The following SH3D19 variants were observed in gnomAD, a reference collection of about 807,000 sequenced individuals.
SH3D19 encodes the protein SH3 domain containing 19.
A neutral mutation model predicts 112.1 loss-of-function variants in SH3D19; 58 were observed. The ratio of observed to expected loss-of-function variants is 0.52; its 90% confidence interval spans 0.42 to 0.64. The LOEUF (loss-of-function observed/expected upper bound fraction) is 0.64, where lower values mean the gene tolerates loss of function less well. SH3D19 is among the 30% of genes least tolerant of loss of function. The probability of loss-of-function intolerance (pLI) is 0.00; values close to 1 mark genes in which losing one functional copy is unlikely to be tolerated. For missense variants in SH3D19, 1,090 were observed against 1,263.4 expected (o/e 0.86, Z 2.08); for synonymous variants, 391 against 448.5 (o/e 0.87, Z 1.62).
chr4:151,128,146 A>G (rs1367892192), intron 18 of SH3D19, 24 bp downstream of exon 18: 2 of 1,568,110 alleles, frequency 1.3e-6, no homozygotes, highest in Non-Finnish European at 1.7e-6. Flanking sequence ...GAGGAGTCGC[A>G]TTCATGTCTT....
At chr4:151,177,376 G>T (rs1760112130) in intron 4 of SH3D19, among the ~76,000 whole-genome samples, 1 of 152,184 alleles carries the variant, frequency 6.6e-6, no homozygotes, top group Non-Finnish European at 1.5e-5. Flanking sequence ...GTCTCACTCT[G>T]TTGCCCAGGC....
At chr4:151,216,903 G>A in intron 2 of SH3D19, among the ~76,000 whole-genome samples, 1 of 151,680 alleles carries the variant, frequency 6.6e-6, no homozygotes, top group East Asian at 1.9e-4. Context: ...GTGTGTGTGT[G>A]TGTGTGTGTG....
intron 13 of SH3D19, among the ~76,000 whole-genome samples, chr4:151,138,137 C>T (rs558183395): frequency 3.9e-5 from 6 of 152,234 alleles, no homozygotes; most frequent in East Asian, 3.9e-4. Context: ...ATGTTTCCTA[C>T]TGTGCCAATA....
Position 151,325,228 on chromosome 4 carries a change from C to T in SH3D19, c.112+13G>A. 8.2e-7 allele frequency: 1 copy of T among 1,214,478 alleles called. No individual in the cohort carries two copies. The highest frequency in any genetic ancestry group is 1.0e-6 in the Non-Finnish European group (1 of 975,208). 75.2% of individuals were successfully genotyped at this position (1,214,478 alleles called of 1,614,324 possible). ...CTCTGGGTCCCCGCCGCCCCGTCCCCCGCGCCTCTCACCTGCGGCCGAGTG... is the reference window on the plus strand; with the variant it reads ...CTCTGGGTCCCCGCCGCCCCGTCCCTCGCGCCTCTCACCTGCGGCCGAGTG... On this transcript the variant is annotated intron_variant, in intron 1 of 19. Coordinates refer to ENST00000604030, the MANE Select transcript of SH3D19 (RefSeq NM_001378122.1).
intron 1 of SH3D19, among the ~76,000 whole-genome samples, chr4:151,259,131 AGAGT>A (rs925772587): frequency 2.6e-5 from 4 of 152,070 alleles, no homozygotes; most frequent in African/African-American, 9.7e-5. Flanking sequence ...CCCAGGTAAC[AGAGT>A]GAGACCTTGT....
intron 2 of SH3D19, among the ~76,000 whole-genome samples, chr4:151,208,037 C>T (rs1344330431): frequency 1.3e-5 from 2 of 152,298 alleles, no homozygotes; most frequent in East Asian, 1.9e-4. Context: ...GGCTAAGCTA[C>T]AGTCTCCAGT....
At chr4:151,318,793 C>T (rs1373348750) in intron 1 of SH3D19, among the ~76,000 whole-genome samples, 1 of 152,128 alleles carries the variant, frequency 6.6e-6, no homozygotes, top group Non-Finnish European at 1.5e-5. Flanking sequence ...CGTAACTTGT[C>T]CAAGGTCACA....
rs1757234860 is a variant in SH3D19, at chr4:151,161,925, T to C, written c.1643-2573A>G. Reference sequence around the variant, plus strand: ...GATTACAGGTGTGTGCCACCATGCCTGGCTAAATTCTTTTTTTTTAATTGA... The same window carrying C: ...GATTACAGGTGTGTGCCACCATGCCCGGCTAAATTCTTTTTTTTTAATTGA... On this transcript the variant is annotated intron_variant, in intron 8 of 19. Transcript: ENST00000604030. Among the ~76,000 whole-genome samples, 3 of 151,884 alleles carry C rather than the reference T, an allele frequency of 2.0e-5. No homozygotes were observed. The South Asian group carries it at 6.2e-4, about 32-fold the overall frequency.
chr4:151,325,294 A>G lies in SH3D19; in HGVS notation c.59T>C (p.Leu20Pro). ...EEEELRERRE[L>P]GGQRRARGRA... ...GCCCCGGGCGCGGCGCTGGCCACCA[A>G]GTTCGCGGCGCTCGCGTAGCTCTTC... Residue 20 changes from leucine (L) to proline (P), a missense_variant, in exon 1 of 20, where the codon CTT (leucine) becomes CCT (proline). Leu to Pro is a moderately conservative substitution (Grantham distance 98, BLOSUM62 -3). Coordinates refer to ENST00000604030, the MANE Select transcript of SH3D19 (RefSeq NM_001378122.1). The G allele has an allele frequency of 8.2e-7, 1 of 1,220,618 alleles. No homozygotes were observed. Among genetic ancestry groups the G allele is most frequent in the South Asian group, 4.1e-5 (1 of 24,254 alleles). 75.6% of individuals were successfully genotyped at this position (1,220,618 alleles called of 1,614,324 possible).
intron 1 of SH3D19, chr4:151,261,674 G>A (rs1032847712): frequency 5.3e-5 from 8 of 152,204 alleles, no homozygotes; most frequent in African/African-American, 1.9e-4. Flanking sequence ...AATTCTCTGT[G>A]ACCCTTTGCC....
chr4:151,308,573 T>C (rs1174695113), intron 1 of SH3D19, among the ~76,000 whole-genome samples: 1 of 152,182 alleles, frequency 6.6e-6, no homozygotes, highest in Admixed American at 6.5e-5. Flanking sequence ...CCAAGGTAAA[T>C]GGGCATAAGA....
intron 2 of SH3D19, among the ~76,000 whole-genome samples, chr4:151,225,843 TA>T (rs1161641138): frequency 6.6e-6 from 1 of 152,160 alleles, no homozygotes; most frequent in African/African-American, 2.4e-5. Flanking sequence ...ATTCCTAAAA[TA>T]AAACATGTTT....
At chr4:151,278,768 C>A (rs2150005049) in intron 1 of SH3D19, among the ~76,000 whole-genome samples, 1 of 152,266 alleles carries the variant, frequency 6.6e-6, no homozygotes, top group Middle Eastern at 3.4e-3. Context: ...GTAGCTGGGA[C>A]TACAGGCATG....
chr4:151,235,515 T>C (rs913144949), intron 1 of SH3D19, among the ~76,000 whole-genome samples: 10 of 152,340 alleles, frequency 6.6e-5, no homozygotes, highest in Middle Eastern at 3.4e-3. Context: ...CCAGGTGCAG[T>C]GGCTCACACC....
At chr4:151,291,427 T>C in intron 1 of SH3D19, 1 of 1,612,836 alleles carries the variant, frequency 6.2e-7, no homozygotes, top group Non-Finnish European at 8.5e-7. Flanking sequence ...AGAGAATGCA[T>C]GGAGATTTAG....
chr4:151,253,740 CAAAAA>C (rs10593842), intron 1 of SH3D19, among the ~76,000 whole-genome samples: 1,577 of 140,062 alleles, frequency 0.011, 10 homozygotes, highest in Non-Finnish European at 0.018. Context: ...GACTCCGTCT[CAAAAA>C]AAAAAAAAAA....
At position 151,192,960 on chromosome 4, in the gene SH3D19, CT is replaced by C. The variant is rs879452146; in HGVS notation, c.153-5498del. 5.4e-3 allele frequency among the ~76,000 whole-genome samples: 772 copies of C among 142,494 alleles called. 1 individual carries two copies. The highest frequency in any genetic ancestry group is 7.1e-3 in the African/African-American group (278 of 39,192). The allele number at this position is 142,494 out of a possible 152,430, so 93.5% of individuals were successfully genotyped here. On this transcript the variant is annotated intron_variant, in intron 2 of 19. Coordinates refer to ENST00000604030, the MANE Select transcript of SH3D19 (RefSeq NM_001378122.1). Reference sequence around the variant, plus strand: ...TGTTGCCTTGTCCTTTCCAATTCTTCTTTTTTTTTTTTTTAATCACACATTC... The same window carrying C: ...TGTTGCCTTGTCCTTTCCAATTCTTCTTTTTTTTTTTTTAATCACACATTC...
intron 1 of SH3D19, among the ~76,000 whole-genome samples, chr4:151,316,513 G>A (rs1298109068): frequency 6.6e-6 from 1 of 151,858 alleles, no homozygotes; most frequent in Admixed American, 6.6e-5. Context: ...GGGTATATGG[G>A]AGCTCTTTGT....
chr4:151,245,024 G>C (rs1319671957), intron 1 of SH3D19, among the ~76,000 whole-genome samples: 1 of 152,108 alleles, frequency 6.6e-6, no homozygotes, highest in South Asian at 2.1e-4. Flanking sequence ...CACACCTGTA[G>C]TCCCAGCTAT....
Sources: gnomAD v4.1 joint callset for allele counts (sites outside exome capture counted in the v4.1 genomes callset) on GRCh38, gnomAD v4.1.1 for gene constraint, MANE v1.5 for transcripts, NCBI Gene and HGNC (gene_info 2026-07-23, HGNC 2026-07-21) for gene names.